Variants in POLA1 observed in about 807,000 individuals in gnomAD.
The protein encoded by POLA1 is DNA polymerase alpha 1, catalytic subunit.
A neutral mutation model predicts 124.0 loss-of-function variants in POLA1; 15 were observed. That is an observed-to-expected ratio of 0.12 (90% CI 0.08 to 0.19). The LOEUF (loss-of-function observed/expected upper bound fraction) is 0.19, where lower values mean the gene tolerates loss of function less well. POLA1 is among the 10% of genes least tolerant of loss of function. The pLI, the probability that POLA1 is intolerant of heterozygous loss-of-function variation, is 1.00. For missense variants in POLA1, 886 were observed against 1,103.4 expected (o/e 0.80, Z 2.79); for synonymous variants, 408 against 389.4 (o/e 1.05, Z -0.56).
Position 24,815,107 on chromosome X carries a change from A to G in POLA1, c.3425A>G (p.Asn1142Ser), listed in dbSNP as rs2045971981. The change falls in exon 30 of 37, where the codon AAC (asparagine) becomes AGC (serine). Residue 1142 changes from asparagine to serine, a missense_variant. Around this residue, in one of 7 missense-constraint regions of POLA1, gnomAD observed 313 missense variants for 359.7 expected, o/e 0.87. Transcript: ENST00000379068. ...GTCCCAGTGAGCCAGTTTGAAATTA[A>G]CAAGGTAAATGTAGCATTTATTGCT... ...GSVPVSQFEI[N>S]KALTKDPQDY... 2 of 1,205,597 alleles carry G rather than the reference A, an allele frequency of 1.7e-6. No individual in the cohort carries two copies. Among genetic ancestry groups the G allele is most frequent in the Non-Finnish European group, 2.2e-6 (2 of 892,200 alleles).
intron 36 of POLA1, among the ~76,000 whole-genome samples, chrX:24,940,464 G>T (rs1466850717): frequency 9.0e-6 from 1 of 111,579 alleles, no homozygotes; most frequent in African/African-American, 3.3e-5. Flanking sequence ...AATACTCATG[G>T]CAGAGAAGTG....
chrX:24,973,653 C>G (rs5944705), intron 36 of POLA1, among the ~76,000 whole-genome samples: 46 of 112,065 alleles, frequency 4.1e-4, no homozygotes, highest in South Asian at 1.1e-3. Context: ...TGTAGTTATT[C>G]TCCAAAGGCA....
At chrX:24,765,287 T>G (rs1932875334) in intron 26 of POLA1, among the ~76,000 whole-genome samples, 1 of 108,055 alleles carries the variant, frequency 9.3e-6, no homozygotes, top group African/African-American at 3.4e-5. Flanking sequence ...CGTGGTGTTT[T>G]TTTTGTTTTT....
In POLA1 at chrX:24,913,794, G is replaced by A. The variant is rs1209509829; in HGVS notation, c.4165-16659G>A. On this transcript the variant is annotated intron_variant, in intron 35 of 36. Coordinates refer to ENST00000379068, the MANE Select transcript of POLA1 (RefSeq NM_001330360.2). The stretch of plus-strand genomic sequence containing the variant: ...TGTTATCCCAGCATCTTGGTAGGCC[G>A]AGGCAGGCGGATCACCCAAGATCGG... 1.0e-4 allele frequency among the ~76,000 whole-genome samples: 11 copies of A among 110,143 alleles called. No individual in the cohort carries two copies. The South Asian group carries it at 1.6e-3, about 16-fold the overall frequency.
At chrX:24,809,212 A>G (rs1159110121) in intron 26 of POLA1, among the ~76,000 whole-genome samples, 3 of 110,784 alleles carry the variant, frequency 2.7e-5, no homozygotes, top group African/African-American at 9.9e-5. Context: ...TCATATTACT[A>G]TTTTTTAAGA....
intron 35 of POLA1, among the ~76,000 whole-genome samples, chrX:24,894,053 C>T (rs996215785): frequency 1.8e-5 from 2 of 111,612 alleles, no homozygotes; most frequent in Non-Finnish European, 3.8e-5. Context: ...TGAGTGTTCC[C>T]TTCTAGACCC....
chrX:24,766,945 C>T (rs923111329), intron 26 of POLA1, among the ~76,000 whole-genome samples: 4 of 112,033 alleles, frequency 3.6e-5, no homozygotes, highest in Non-Finnish European at 7.5e-5. Flanking sequence ...TTAGAGTTCA[C>T]TGAATCAGTG....
At chrX:24,902,102 G>T (rs2047288867) in intron 35 of POLA1, among the ~76,000 whole-genome samples, 1 of 111,948 alleles carries the variant, frequency 8.9e-6, no homozygotes, top group Admixed American at 9.4e-5. Flanking sequence ...TGTCTCAGAT[G>T]GGTGTGTGTT....
intron 35 of POLA1, among the ~76,000 whole-genome samples, chrX:24,921,616 G>A (rs2047616516): frequency 8.9e-6 from 1 of 112,002 alleles, no homozygotes; most frequent in African/African-American, 3.3e-5. Flanking sequence ...GATGAATACA[G>A]GTGGCTCATG....
chrX:24,893,421 C>T (rs2047167499), intron 35 of POLA1, among the ~76,000 whole-genome samples: 1 of 111,906 alleles, frequency 8.9e-6, no homozygotes, highest in African/African-American at 3.2e-5. Context: ...GTATAATTGA[C>T]ATAACATAAA....
intron 1 of POLA1, among the ~76,000 whole-genome samples, chrX:24,695,723 C>T (rs1190672692): frequency 8.9e-6 from 1 of 111,794 alleles, no homozygotes; most frequent in East Asian, 2.8e-4. Flanking sequence ...GGTGATCCAC[C>T]TGTCTCTTCC....
At chrX:24,808,619 T>C (rs2045845796) in intron 26 of POLA1, among the ~76,000 whole-genome samples, 1 of 110,719 alleles carries the variant, frequency 9.0e-6, no homozygotes, top group African/African-American at 3.3e-5. Context: ...ACCCCCCAGG[T>C]AGGAGAAAGG....
intron 4 of POLA1, among the ~76,000 whole-genome samples, chrX:24,709,622 C>T (rs2148329976): frequency 1.0e-5 from 1 of 97,117 alleles, no homozygotes; most frequent in East Asian, 3.6e-4. Context: ...AGGGGCTCCT[C>T]ACTTCTCAGA....
chrX:24,888,252 A>T lies in POLA1; in HGVS notation c.4164+130A>T, dbSNP rs2047090531. On this transcript the variant is annotated intron_variant, in intron 35 of 36. Transcript: ENST00000379068. ...ATATGCATATACTAATCTTATTTTT[A>T]AAAAATACAGATTTCAGAAAGATAC... 1.2e-5 allele frequency: 5 copies of T among 402,762 alleles called. No individual in the cohort carries two copies. The South Asian group carries it at 2.3e-4, about 18-fold the overall frequency. 33.2% of individuals were successfully genotyped at this position (402,762 alleles called of 1,213,427 possible).
intron 34 of POLA1, among the ~76,000 whole-genome samples, chrX:24,880,858 T>C (rs1039043126): frequency 9.0e-6 from 1 of 111,637 alleles, no homozygotes; most frequent in Non-Finnish European, 1.9e-5. Context: ...AGTTTTGGTA[T>C]AGGGGTGGTT....
At position 24,821,487 on chromosome X, in the gene POLA1, A is replaced by G. The variant is rs61756362; in HGVS notation, c.3465A>G (p.Lys1155=). ...LTKDPQDYPD[K]KSLPHVHVAL... ...AGGATCCCCAGGATTACCCTGATAAAAAAAGCCTACCTCATGTACATGTTG... is the reference window on the plus strand; with the variant it reads ...AGGATCCCCAGGATTACCCTGATAAGAAAAGCCTACCTCATGTACATGTTG... The change falls in exon 31 of 37, where the codon AAA becomes AAG. Residue 1155 remains lysine (K), a synonymous_variant. Coordinates refer to ENST00000379068, the MANE Select transcript of POLA1 (RefSeq NM_001330360.2). 63 of 1,203,971 alleles carry G rather than the reference A, an allele frequency of 5.2e-5. No homozygotes were observed. The highest frequency in any genetic ancestry group is 7.0e-5 in the Non-Finnish European group (62 of 890,285).
At chrX:24,955,671 C>T (rs147678235) in intron 36 of POLA1, among the ~76,000 whole-genome samples, 11 of 112,005 alleles carry the variant, frequency 9.8e-5, no homozygotes, top group Non-Finnish European at 1.7e-4. Flanking sequence ...ACAGTGCTCA[C>T]GGAGAATAAG....
At chrX:24,965,101 C>T (rs193290125) in intron 36 of POLA1, among the ~76,000 whole-genome samples, 50 of 111,858 alleles carry the variant, frequency 4.5e-4, no homozygotes, top group Middle Eastern at 4.7e-3. Context: ...CTTAAAATTC[C>T]CAGTAGAGGG....
chrX:24,702,966 G>GT (rs1400179748), intron 2 of POLA1, among the ~76,000 whole-genome samples: 1 of 112,115 alleles, frequency 8.9e-6, no homozygotes, highest in East Asian at 2.8e-4. Flanking sequence ...AATTCAGTTT[G>GT]TTTTTTATGA....
Sources: gnomAD v4.1 joint callset for allele counts (sites outside exome capture counted in the v4.1 genomes callset) on GRCh38, gnomAD v4.1.1 for gene constraint, gnomAD v4.1.1 regional missense constraint, MANE v1.5 for transcripts, NCBI Gene and HGNC (gene_info 2026-07-23, HGNC 2026-07-21) for gene names.